The following ST8SIA3 variants were observed in gnomAD, a reference collection of about 807,000 sequenced individuals.
ST8SIA3 encodes ST8 alpha-N-acetyl-neuraminide alpha-2,8-sialyltransferase 3, also known as alpha-N-acetylneuraminate alpha-2,8-sialyltransferase ST8SIA3.
A neutral mutation model predicts 34.5 loss-of-function variants in ST8SIA3; 17 were observed. The observed-to-expected ratio is 0.49, with a 90% CI of 0.34 to 0.74. ST8SIA3 has a LOEUF of 0.74. ST8SIA3 is among the 30% of genes least tolerant of loss of function. The probability of loss-of-function intolerance (pLI) is 0.01; values close to 1 mark genes in which losing one functional copy is unlikely to be tolerated. For missense variants in ST8SIA3, 354 were observed against 467.8 expected (o/e 0.76, Z 2.24); for synonymous variants, 172 against 176.1 (o/e 0.98, Z 0.19).
rs544580954 is a variant in ST8SIA3 at position 57,362,419 on chromosome 18, A to G, written c.*2142A>G. The G allele has an allele frequency of 1.1e-4, 16 of 152,370 alleles. No individual in the cohort carries two copies. The highest frequency in any genetic ancestry group is 3.4e-3 in the Middle Eastern group (1 of 294). 9.4% of individuals were successfully genotyped at this position (152,370 alleles called of 1,614,324 possible). On this transcript the variant is annotated 3_prime_UTR_variant, in exon 4 of 4. Transcript: ENST00000324000. Reference sequence around the variant, plus strand: ...ATTCATTTTCACTAAATATAAATGCATAGACACTTTAAACCAAGAAGATTA... The same window carrying G: ...ATTCATTTTCACTAAATATAAATGCGTAGACACTTTAAACCAAGAAGATTA...
rs986505525 is a variant in ST8SIA3 at position 57,357,191 on chromosome 18, C to T, written c.581C>T (p.Thr194Met). 3 of 1,614,134 alleles carry T rather than the reference C, an allele frequency of 1.9e-6. No homozygotes were observed. Among genetic ancestry groups the T allele is most frequent in the Non-Finnish European group, 2.5e-6 (3 of 1,179,982 alleles). The change falls in exon 3 of 4, where the codon ACG (threonine) becomes ATG (methionine). Residue 194 changes from threonine to methionine, a missense_variant. Around this residue, in one of 3 missense-constraint regions of ST8SIA3, gnomAD observed 166 missense variants for 245.2 expected, o/e 0.68. Transcript: ENST00000324000. ...GTTTTCCGTTGCAATTTCGCCCCTA[C>T]GGAGGCTTTCCAAAGAGATGTTGGA... ...DFVFRCNFAPTEAFQRDVGRK... is the reference protein window; with the variant it reads ...DFVFRCNFAPMEAFQRDVGRK...
chr18:57,354,373 C>A (rs12606016), intron 1 of ST8SIA3, 29 bp from the exon 2 acceptor site: 3 of 1,613,496 alleles, frequency 1.9e-6, no homozygotes, highest in Non-Finnish European at 2.5e-6. Flanking sequence ...GAGGCCAGCA[C>A]GCTTGTCTGT....
chr18:57,354,983 C>G lies in ST8SIA3; in HGVS notation c.302+459C>G, dbSNP rs149858727. The stretch of plus-strand genomic sequence containing the variant: ...GTTTCTTTGAAACACACGGAAAATG[C>G]CATAATCTGTCTCCATCAAATTACT... On this transcript the variant is annotated intron_variant, in intron 2 of 3. Coordinates refer to ENST00000324000, the MANE Select transcript of ST8SIA3 (RefSeq NM_015879.3). Among the ~76,000 whole-genome samples the G allele has an allele frequency of 2.2e-3, 341 of 152,186 alleles. 5 individuals carry two copies. The Middle Eastern group carries it at 0.051, about 23-fold the overall frequency.
chr18:57,352,586 A>C lies in ST8SIA3; in HGVS notation c.-261A>C. On this transcript the variant is annotated 5_prime_UTR_variant, in exon 1 of 4. Coordinates refer to ENST00000324000, the MANE Select transcript of ST8SIA3 (RefSeq NM_015879.3). ...CGCCACGCCGCCGCGCAGCCCCTCC[A>C]TCTTCCTGCTCGGCACCGGGCCCCG... 1 of 474,128 alleles carries C rather than the reference A, an allele frequency of 2.1e-6. No individual in the cohort carries two copies. The highest frequency in any genetic ancestry group is 3.9e-6 in the Non-Finnish European group (1 of 256,678). 29.4% of individuals were successfully genotyped at this position (474,128 alleles called of 1,614,324 possible).
chr18:57,356,557 C>T (rs973710575), intron 2 of ST8SIA3, among the ~76,000 whole-genome samples: 10 of 152,200 alleles, frequency 6.6e-5, no homozygotes, highest in African/African-American at 1.2e-4. Flanking sequence ...AATGTGAGCT[C>T]TTTCAGGCCT....
chr18:57,357,546 G>A (rs1390745755), intron 3 of ST8SIA3, 76 bp downstream of exon 3: 4 of 1,178,962 alleles, frequency 3.4e-6, no homozygotes, highest in East Asian at 2.3e-5. Context: ...GGGGGTGGGA[G>A]CCATCCAATT....
chr18:57,360,082 C>T lies in ST8SIA3; in HGVS notation c.948C>T (p.Ile316=). 3 of 1,614,128 alleles carry T rather than the reference C, an allele frequency of 1.9e-6. No homozygotes were observed. In the South Asian group the frequency reaches 3.3e-5, roughly 18 times the overall value. ...YTLASAICEE[I]HLYGFWPFGF... is the part of the protein sequence containing the mutation. The stretch of plus-strand genomic sequence containing the variant: ...TTGCATCAGCAATATGTGAAGAGAT[C>T]CACTTGTATGGATTTTGGCCGTTTG... Residue 316 remains isoleucine, a synonymous_variant, in exon 4 of 4, where the codon ATC becomes ATT. Transcript: ENST00000324000.
At chr18:57,354,552 G>A (rs376208792) in intron 2 of ST8SIA3, 28 bp downstream of exon 2, 67 of 1,611,278 alleles carry the variant, frequency 4.2e-5, no homozygotes, top group Non-Finnish European at 5.0e-5. Flanking sequence ...GATCCAAAAG[G>A]TGCTTTTAAG....
At chr18:57,353,839 G>A (rs2049781230) in intron 1 of ST8SIA3, among the ~76,000 whole-genome samples, 1 of 152,224 alleles carries the variant, frequency 6.6e-6, no homozygotes, top group Admixed American at 6.5e-5. Context: ...AGCTGGGACC[G>A]AGGCGAGGAA....
chr18:57,360,083 C>T lies in ST8SIA3; in HGVS notation c.949C>T (p.His317Tyr). 6.2e-7 allele frequency: 1 copy of T among 1,614,112 alleles called. No individual in the cohort carries two copies. Among genetic ancestry groups the T allele is most frequent in the Non-Finnish European group, 8.5e-7 (1 of 1,179,990 alleles). Residue 317 changes from histidine to tyrosine, a missense_variant, in exon 4 of 4, where the codon CAC (histidine) becomes TAC (tyrosine). Transcript: ENST00000324000. The part of the protein sequence containing the change: ...TLASAICEEI[H>Y]LYGFWPFGFD... ...TGCATCAGCAATATGTGAAGAGATCCACTTGTATGGATTTTGGCCGTTTGG... is the reference window on the plus strand; with the variant it reads ...TGCATCAGCAATATGTGAAGAGATCTACTTGTATGGATTTTGGCCGTTTGG...
intron 3 of ST8SIA3, among the ~76,000 whole-genome samples, chr18:57,357,875 C>T (rs2049808267): frequency 6.6e-6 from 1 of 152,196 alleles, no homozygotes; most frequent in Non-Finnish European, 1.5e-5. Flanking sequence ...ATGCAGTTGA[C>T]TTAAATTTAT....
At chr18:57,353,392 G>C (rs1164410082) in intron 1 of ST8SIA3, among the ~76,000 whole-genome samples, 1 of 152,088 alleles carries the variant, frequency 6.6e-6, no homozygotes, top group Admixed American at 6.5e-5. Context: ...CGTGAGGGGA[G>C]CGCCCTCCCC....
chr18:57,353,031 T>C lies in ST8SIA3; in HGVS notation c.179+6T>C. On this transcript the variant is annotated splice_donor_region_variant and intron_variant, in intron 1 of 3. Transcript: ENST00000324000. ...ATGTTCCACGCGGGATTCCGGTGAG[T>C]GCGGGCCTCTGTGTTAGTGCCCTCG... 3 of 1,604,292 alleles carry C rather than the reference T, an allele frequency of 1.9e-6. No homozygotes were observed. The highest frequency in any genetic ancestry group is 1.7e-4 in the Middle Eastern group (1 of 6,060).
rs1410656722 is a variant in ST8SIA3, at chr18:57,366,357, A to G, written c.*6080A>G. 1 of 152,584 alleles carries G rather than the reference A, an allele frequency of 6.6e-6. No individual in the cohort carries two copies. The highest frequency in any genetic ancestry group is 1.5e-5 in the Non-Finnish European group (1 of 68,026). The allele number at this position is 152,584 out of a possible 1,614,324, so 9.5% of individuals were successfully genotyped here. On this transcript the variant is annotated 3_prime_UTR_variant, in exon 4 of 4. Coordinates refer to ENST00000324000, the MANE Select transcript of ST8SIA3 (RefSeq NM_015879.3). ...TCAACAGACTCCCCAGTATCTTGGG[A>G]GATTACCAACTGTGGCTTTTCTAAT...
At chr18:57,354,635 G>C in intron 2 of ST8SIA3, 111 bp downstream of exon 2, 1 of 1,280,738 alleles carries the variant, frequency 7.8e-7, no homozygotes, top group Non-Finnish European at 1.1e-6. Flanking sequence ...ACATCTATAC[G>C]CCCCACCCTC....
At chr18:57,359,656 G>A (rs533355777) in intron 3 of ST8SIA3, among the ~76,000 whole-genome samples, 1 of 152,242 alleles carries the variant, frequency 6.6e-6, no homozygotes, top group Non-Finnish European at 1.5e-5. Context: ...AAACCCAGGG[G>A]CAGCTTCAAA....
chr18:57,360,495 G>A lies in ST8SIA3; in HGVS notation c.*218G>A, dbSNP rs2049824272. 1 of 546,708 alleles carries A rather than the reference G, an allele frequency of 1.8e-6. No individual in the cohort carries two copies. Among genetic ancestry groups the A allele is most frequent in the East Asian group, 2.9e-5 (1 of 34,072 alleles). 33.9% of individuals were successfully genotyped at this position (546,708 alleles called of 1,614,324 possible). ...CATGGTTTAGACTTGATTGATAAAG[G>A]GAATGTTGCATTTGGGACTATGCTG... On this transcript the variant is annotated 3_prime_UTR_variant, in exon 4 of 4. Coordinates refer to ENST00000324000, the MANE Select transcript of ST8SIA3 (RefSeq NM_015879.3).
chr18:57,357,883 T>C (rs2144203531), intron 3 of ST8SIA3, among the ~76,000 whole-genome samples: 1 of 152,350 alleles, frequency 6.6e-6, no homozygotes, highest in African/African-American at 2.4e-5. Flanking sequence ...GACTTAAATT[T>C]ATGTTTTGTA....
Position 57,362,622 on chromosome 18 carries a change from C to T in ST8SIA3, c.*2345C>T, listed in dbSNP as rs1460579104. The T allele has an allele frequency of 6.6e-6, 1 of 152,044 alleles. No homozygotes were observed. The allele number at this position is 152,044 out of a possible 1,614,324, so 9.4% of individuals were successfully genotyped here. A position where few individuals can be genotyped will look rare whatever the true frequency, so the allele number is the denominator to read the frequency against. On this transcript the variant is annotated 3_prime_UTR_variant, in exon 4 of 4. Coordinates refer to ENST00000324000, the MANE Select transcript of ST8SIA3 (RefSeq NM_015879.3). ...CCTTAGAGTGGGAGGACTTTCCCAT[C>T]CCCCACCACCGTGTTATCTATCACT...
Sources: allele counts gnomAD v4.1 joint callset (sites outside exome capture counted in the v4.1 genomes callset), GRCh38; gene constraint gnomAD v4.1.1; regional missense constraint gnomAD v4.1.1; transcripts MANE v1.5; gene names NCBI Gene and HGNC (gene_info 2026-07-23, HGNC 2026-07-21).